The following CRISPLD2 variants were observed in gnomAD, a reference collection of about 807,000 sequenced individuals.
CRISPLD2 encodes cysteine rich secretory protein LCCL domain containing 2, also known as cysteine-rich secretory protein LCCL domain-containing 2.
In CRISPLD2, 47 loss-of-function variants were observed where a neutral mutation model predicts 71.1. The ratio of observed to expected loss-of-function variants is 0.66; its 90% CI spans 0.52 to 0.84. The LOEUF (loss-of-function observed/expected upper bound fraction) is 0.84. CRISPLD2 is among the 40% of genes least tolerant of loss of function. The pLI is 0.00. For synonymous variants in CRISPLD2, 317 were observed against 250.1 expected, an observed-to-expected ratio of 1.27 and a Z score of -2.52; for missense variants, 830 against 651.1, an observed-to-expected ratio of 1.27 and a Z score of -2.99.
At chr16:84,867,922 C>A (rs774193) in intron 7 of CRISPLD2, among the ~76,000 whole-genome samples, 3,706 of 152,324 alleles carry the variant, frequency 0.024, 161 homozygotes, top group East Asian at 0.14. Context: ...CTCCCCCCAG[C>A]CACTGCTGCG....
chr16:84,877,378 G>T (rs2071528403), intron 11 of CRISPLD2, 60 bp from the exon 12 acceptor site: 2 of 1,518,212 alleles, frequency 1.3e-6, no homozygotes, highest in Middle Eastern at 1.7e-4. Context: ...TGCACAGCCT[G>T]GTAGCCTGAG....
intron 1 of CRISPLD2, among the ~76,000 whole-genome samples, chr16:84,821,963 G>A (rs79383451): frequency 2.0e-5 from 3 of 152,244 alleles, no homozygotes; most frequent in Admixed American, 6.5e-5. Context: ...TAGAGCTGCC[G>A]TCCAGGCTGG....
At chr16:84,878,649 G>A (rs1345466058) in intron 12 of CRISPLD2, among the ~76,000 whole-genome samples, 1 of 152,198 alleles carries the variant, frequency 6.6e-6, no homozygotes, top group Non-Finnish European at 1.5e-5. Context: ...ATAAAATAAA[G>A]GGTGTCCTGG....
At chr16:84,892,137 G>A (rs559556037) in intron 14 of CRISPLD2, among the ~76,000 whole-genome samples, 10 of 152,296 alleles carry the variant, frequency 6.6e-5, no homozygotes, top group Admixed American at 5.9e-4. Context: ...GCCCCCTGGG[G>A]TGGTGGCAGG....
At chr16:84,890,276 G>A (rs540039842) in intron 14 of CRISPLD2, among the ~76,000 whole-genome samples, 5 of 152,128 alleles carry the variant, frequency 3.3e-5, no homozygotes, top group Non-Finnish European at 5.9e-5. Flanking sequence ...GGAGAATGGC[G>A]TGAACCCGGG....
At chr16:84,880,219 T>C (rs2071556495) in intron 12 of CRISPLD2, among the ~76,000 whole-genome samples, 2 of 152,216 alleles carry the variant, frequency 1.3e-5, no homozygotes, top group African/African-American at 4.8e-5. Context: ...TTCCACACTC[T>C]TCTCTCTTAG....
intron 1 of CRISPLD2, among the ~76,000 whole-genome samples, chr16:84,837,379 T>C (rs1166908461): frequency 4.0e-5 from 6 of 151,098 alleles, no homozygotes; most frequent in South Asian, 2.1e-4. Context: ...AGGCCGGCCC[T>C]GGGCTTGTCT....
At chr16:84,853,751 C>T (rs1356598276) in intron 5 of CRISPLD2, among the ~76,000 whole-genome samples, 5 of 152,246 alleles carry the variant, frequency 3.3e-5, no homozygotes, top group Admixed American at 6.5e-5. Flanking sequence ...CAGCCTTCCC[C>T]GTGAGTCAGG....
intron 14 of CRISPLD2, among the ~76,000 whole-genome samples, chr16:84,898,984 C>T (rs957142995): frequency 1.3e-5 from 2 of 152,152 alleles, no homozygotes; most frequent in Non-Finnish European, 2.9e-5. Context: ...CATTGCACTC[C>T]TGGACTCAAG....
At chr16:84,860,422 C>G (rs1917348003) in intron 6 of CRISPLD2, among the ~76,000 whole-genome samples, 1 of 152,170 alleles carries the variant, frequency 6.6e-6, no homozygotes, top group African/African-American at 2.4e-5. Flanking sequence ...CTCCGAACCT[C>G]ACCTCTAGCA....
chr16:84,847,368 C>A (rs896012782), intron 3 of CRISPLD2, among the ~76,000 whole-genome samples: 2 of 152,186 alleles, frequency 1.3e-5, no homozygotes, highest in Admixed American at 6.5e-5. Flanking sequence ...AACTATCTTA[C>A]AGGCTGGGCA....
At chr16:84,868,817 T>G in intron 7 of CRISPLD2, 34 bp from the exon 8 acceptor site, 1 of 1,586,562 alleles carries the variant, frequency 6.3e-7, no homozygotes, top group Non-Finnish European at 8.6e-7. Flanking sequence ...CCTGGTTTCG[T>G]GCCGTGACAT....
chr16:84,832,316 A>G (rs985984596), intron 1 of CRISPLD2, among the ~76,000 whole-genome samples: 1 of 152,238 alleles, frequency 6.6e-6, no homozygotes, highest in Non-Finnish European at 1.5e-5. Flanking sequence ...TGTGTCCAAG[A>G]TGACACAGGC....
Position 84,906,809 on chromosome 16 carries a change from C to A in CRISPLD2, c.*167C>A. On this transcript the variant is annotated 3_prime_UTR_variant, in exon 15 of 15. Coordinates refer to ENST00000262424, the MANE Select transcript of CRISPLD2 (RefSeq NM_031476.4). ...TGGGTGAGGTGACATCTCATCCCCT[C>A]ACTGAAGCAACAGCATCCCAAGGTG... The A allele has an allele frequency of 1.3e-6, 1 of 790,694 alleles. No homozygotes were observed. The highest frequency in any genetic ancestry group is 2.2e-6 in the Non-Finnish European group (1 of 463,752). 49.0% of individuals were successfully genotyped at this position (790,694 alleles called of 1,614,324 possible). A position where few individuals can be genotyped will look rare whatever the true frequency, so the allele number is the denominator to read the frequency against.
intron 8 of CRISPLD2, among the ~76,000 whole-genome samples, chr16:84,871,315 G>T (rs149171804): frequency 1.6e-3 from 236 of 152,162 alleles, no homozygotes; most frequent in African/African-American, 5.3e-3. Context: ...CAGCACCTTG[G>T]GAGGTCAAGG....
intron 1 of CRISPLD2, among the ~76,000 whole-genome samples, chr16:84,820,991 C>T (rs1567675075): frequency 6.6e-6 from 1 of 152,212 alleles, no homozygotes; most frequent in South Asian, 2.1e-4. Flanking sequence ...GGGAGGACTT[C>T]GCTGATGCCT....
intron 6 of CRISPLD2, among the ~76,000 whole-genome samples, chr16:84,862,743 A>G (rs1324955278): frequency 2.2e-5 from 3 of 138,142 alleles, no homozygotes; most frequent in Middle Eastern, 3.9e-3. Flanking sequence ...CCTTGCAGAG[A>G]CTTGGGTGGG....
chr16:84,884,720 G>A (rs73251595), intron 13 of CRISPLD2, among the ~76,000 whole-genome samples: 1 of 152,172 alleles, frequency 6.6e-6, no homozygotes, highest in African/African-American at 2.4e-5. Flanking sequence ...AGAAAGATCC[G>A]GCCATGGGTG....
At chr16:84,854,121 C>T (rs1168450527) in intron 5 of CRISPLD2, among the ~76,000 whole-genome samples, 4 of 152,202 alleles carry the variant, frequency 2.6e-5, no homozygotes, top group Admixed American at 2.0e-4. Flanking sequence ...GCCGGACAGC[C>T]TGTGTTCAAA....
Sources: allele counts gnomAD v4.1 joint callset (sites outside exome capture counted in the v4.1 genomes callset), GRCh38; gene constraint gnomAD v4.1.1; transcripts MANE v1.5; gene names NCBI Gene and HGNC (gene_info 2026-07-23, HGNC 2026-07-21).